The following EPB41L1 variants were observed in gnomAD, a reference collection of about 807,000 sequenced individuals.
EPB41L1 encodes band 4.1-like protein 1.
In EPB41L1, 29 loss-of-function variants were observed where a neutral mutation model predicts 97.8. The observed-to-expected ratio is 0.30, with a 90% confidence interval of 0.22 to 0.40. The LOEUF (loss-of-function observed/expected upper bound fraction) is 0.40. Among genes scored for constraint, EPB41L1 ranks in the 10% least tolerant of loss-of-function variants. EPB41L1 has a pLI of 1.00. For missense variants in EPB41L1, 812 were observed against 1,162.3 expected, an observed-to-expected ratio of 0.70 and a Z score of 4.38; for synonymous variants, 383 against 459.2, an observed-to-expected ratio of 0.83 and a Z score of 2.12.
chr20:36,182,393 T>C, intron 6 of EPB41L1, 46 bp downstream of exon 6: 1 of 1,601,006 alleles, frequency 6.2e-7, no homozygotes, highest in South Asian at 1.1e-5. Flanking sequence ...TGTGTGGGAC[T>C]ATGGATGAGG....
At position 36,155,704 on chromosome 20, in the gene EPB41L1, C is replaced by T. The variant is rs575230097; in HGVS notation, c.-15+808C>T. ...GGAGTTCTGGGGATGCTGGTCTCTC[C>T]CTCAGCTGCCAGCCATCGTCGTTGC... On this transcript the variant is annotated intron_variant, in intron 1 of 21. Transcript: ENST00000338074. 3 of 448,306 alleles carry T rather than the reference C, an allele frequency of 6.7e-6. No homozygotes were observed. In the Admixed American group the frequency reaches 7.2e-5, roughly 11 times the overall value. 27.8% of individuals were successfully genotyped at this position (448,306 alleles called of 1,614,324 possible). A position where few individuals can be genotyped will look rare whatever the true frequency, so the allele number is the denominator to read the frequency against.
At chr20:36,100,534 A>G (rs1422335339) in intron 1 of EPB41L1, among the ~76,000 whole-genome samples, 3 of 152,164 alleles carry the variant, frequency 2.0e-5, no homozygotes, top group Non-Finnish European at 4.4e-5. Context: ...AGCGCTTTAC[A>G]TGCCTTATGT....
intron 1 of EPB41L1, among the ~76,000 whole-genome samples, chr20:36,170,055 C>T (rs900866066): frequency 4.6e-5 from 7 of 152,206 alleles, no homozygotes; most frequent in Admixed American, 3.9e-4. Context: ...TGTCAGAAGC[C>T]ACGGCCACCT....
At position 36,207,328 on chromosome 20, in the gene EPB41L1, G is replaced by A; in HGVS notation, c.1669-2160G>A. 1 of 1,286,086 alleles carries A rather than the reference G, an allele frequency of 7.8e-7. No individual in the cohort carries two copies. The highest frequency in any genetic ancestry group is 1.0e-6 in the Non-Finnish European group (1 of 986,460). The allele number at this position is 1,286,086 out of a possible 1,614,324, so 79.7% of individuals were successfully genotyped here. A position where few individuals can be genotyped will look rare whatever the true frequency, so the allele number is the denominator to read the frequency against. ...AAAGCCCAGAGTAGTCCCTGAAGAA[G>A]CTGAGGGGCGCATACCTCTGGGGTT... On this transcript the variant is annotated intron_variant, in intron 14 of 21. Coordinates refer to ENST00000338074, the MANE Select transcript of EPB41L1 (RefSeq NM_012156.2). This position sits in a 1 kb window ranked among gnomAD's most constrained non-coding sequence, Gnocchi z 4.9.
chr20:36,218,806 C>T, intron 17 of EPB41L1, 70 bp from the exon 18 acceptor site: 1 of 1,421,552 alleles, frequency 7.0e-7, no homozygotes. Flanking sequence ...GCTACATGGC[C>T]ACATGCTCCG....
intron 1 of EPB41L1, among the ~76,000 whole-genome samples, chr20:36,172,581 A>G (rs2061039751): frequency 6.6e-6 from 1 of 152,098 alleles, no homozygotes; most frequent in African/African-American, 2.4e-5. Context: ...TATGTTGTTG[A>G]GGTTACTGTT....
chr20:36,127,416 C>T (rs893475442), intron 2 of EPB41L1, among the ~76,000 whole-genome samples: 13 of 152,134 alleles, frequency 8.5e-5, no homozygotes, highest in South Asian at 2.1e-4. Flanking sequence ...CTACACCTTC[C>T]CTGAGGTGAG....
chr20:36,173,719 A>C (rs2061095880), intron 1 of EPB41L1, 45 bp from the exon 2 acceptor site: 2 of 1,579,166 alleles, frequency 1.3e-6, no homozygotes. Context: ...CTGTCATACC[A>C]TTGCTGTCCC....
chr20:36,194,293 C>T lies in EPB41L1; in HGVS notation c.1382C>T (p.Ser461Phe). Residue 461 changes from serine (S) to phenylalanine (F), a missense_variant, in exon 12 of 22, where the codon TCT becomes TTT. By Grantham distance (155) the Ser-to-Phe change is radical (BLOSUM62 -2). Transcript: ENST00000338074. ...DGDKRDEDGESGGQRSEAEEG... is the reference protein window; with the variant it reads ...DGDKRDEDGEFGGQRSEAEEG... The stretch of plus-strand genomic sequence containing the variant: ...GACAAGCGGGATGAGGATGGCGAGT[C>T]TGGGGGGCAACGGTCAGAGGCTGAG... The T allele has an allele frequency of 6.2e-7, 1 of 1,614,194 alleles. No homozygotes were observed. The highest frequency in any genetic ancestry group is 8.5e-7 in the Non-Finnish European group (1 of 1,180,020).
Position 36,139,335 on chromosome 20 carries a change from A to G in EPB41L1, c.-10+26855A>G, listed in dbSNP as rs144869539. Among the ~76,000 whole-genome samples, 52 of 152,374 alleles carry G rather than the reference A, an allele frequency of 3.4e-4. 1 individual carries two copies. The highest frequency in any genetic ancestry group is 3.4e-3 in the Middle Eastern group (1 of 294). ...TTCTGATTTTCAAAACTATCAGAGCAAAAATATTCCTAAATTTGTTTCGAG... is the reference window on the plus strand; with the variant it reads ...TTCTGATTTTCAAAACTATCAGAGCGAAAATATTCCTAAATTTGTTTCGAG... On this transcript the variant is annotated intron_variant, in intron 2 of 19. Transcript: ENST00000202028.
chr20:36,121,944 G>T (rs2058764879), intron 2 of EPB41L1: 1 of 152,224 alleles, frequency 6.6e-6, no homozygotes, highest in African/African-American at 2.4e-5. Flanking sequence ...TGTGAAGGGT[G>T]GTGAAACCAA....
intron 1 of EPB41L1, among the ~76,000 whole-genome samples, chr20:36,097,221 G>A (rs576228747): frequency 2.6e-5 from 4 of 152,322 alleles, no homozygotes; most frequent in Non-Finnish European, 5.9e-5. Flanking sequence ...GTCCATCTCT[G>A]TAAAATGAAG....
intron 2 of EPB41L1, among the ~76,000 whole-genome samples, chr20:36,139,645 T>TG (rs1417055426): frequency 6.6e-6 from 1 of 152,240 alleles, no homozygotes; most frequent in African/African-American, 2.4e-5. Flanking sequence ...AGATGCTGAC[T>TG]GATTACAAAG....
At chr20:36,103,704 C>CTT (rs398038437) in intron 1 of EPB41L1, among the ~76,000 whole-genome samples, 6,332 of 135,676 alleles carry the variant, frequency 0.047, 237 homozygotes, top group African/African-American at 0.085. Context: ...CTTTTTCTTT[C>CTT]TTTTTTTTTT....
chr20:36,217,133 C>A (rs1489678533), intron 17 of EPB41L1, among the ~76,000 whole-genome samples: 1 of 152,142 alleles, frequency 6.6e-6, no homozygotes, highest in African/African-American at 2.4e-5. Flanking sequence ...TCTTTAGTGA[C>A]AAGCGTGTGT....
intron 9 of EPB41L1, among the ~76,000 whole-genome samples, chr20:36,189,857 T>C (rs1242319491): frequency 2.0e-5 from 3 of 152,206 alleles, no homozygotes; most frequent in Non-Finnish European, 2.9e-5. Context: ...ATCACCCTTA[T>C]TGATTCAGTG....
rs1266124464 is a variant in EPB41L1 at position 36,230,202 on chromosome 20, G to A, written c.*862G>A. On this transcript the variant is annotated 3_prime_UTR_variant, in exon 22 of 22. Coordinates refer to ENST00000338074, the MANE Select transcript of EPB41L1 (RefSeq NM_012156.2). ...AGAAAACGAAGCCACAGGAAGGGAA[G>A]TAGACATTGTATGCTTATGGTTTCT... 6.6e-6 allele frequency: 1 copy of A among 152,648 alleles called. No homozygotes were observed. Among genetic ancestry groups the A allele is most frequent in the Admixed American group, 6.5e-5 (1 of 15,288 alleles). 9.5% of individuals were successfully genotyped at this position (152,648 alleles called of 1,614,324 possible). A position where few individuals can be genotyped will look rare whatever the true frequency, so the allele number is the denominator to read the frequency against.
chr20:36,201,597 A>C (rs2062500670), intron 14 of EPB41L1, among the ~76,000 whole-genome samples: 1 of 152,172 alleles, frequency 6.6e-6, no homozygotes, highest in East Asian at 1.9e-4. Context: ...AGGCAGGCAA[A>C]AGTGGACATC....
rs181852044 is a variant in EPB41L1, at chr20:36,212,775, G to T, written c.2184+399G>T. Among the ~76,000 whole-genome samples the T allele has an allele frequency of 2.0e-5, 3 of 152,286 alleles. No individual in the cohort carries two copies. In the East Asian group the frequency reaches 5.8e-4, roughly 29 times the overall value. The stretch of plus-strand genomic sequence containing the variant: ...GCTGCTTGAGGAGAGAAGAGGGAGA[G>T]ATCCCAATTCAGCTTCAGTCAGAAT... On this transcript the variant is annotated intron_variant, in intron 16 of 21. Transcript: ENST00000338074. The surrounding 1 kb of genome is among the most constrained non-coding windows in gnomAD (Gnocchi z 4.8).
Sources: gnomAD v4.1 joint callset for allele counts (sites outside exome capture counted in the v4.1 genomes callset) on GRCh38, gnomAD v4.1.1 for gene constraint, Gnocchi (gnomAD v3.1) non-coding constraint, MANE v1.5 for transcripts, NCBI Gene and HGNC (gene_info 2026-07-23, HGNC 2026-07-21) for gene names.